Variants in SON observed in about 807,000 individuals in gnomAD.
SON encodes protein SON.
In SON, 4 loss-of-function variants were observed where a neutral mutation model predicts 173.3. The observed-to-expected ratio is 0.02, with a 90% confidence interval of 0.01 to 0.05. SON has a LOEUF of 0.05. Ranked by LOEUF, SON falls within the 10% of genes least tolerant of loss-of-function variation. The pLI, the probability that SON is intolerant of heterozygous loss-of-function variation, is 1.00. For synonymous variants in SON, 1,190 were observed against 1,105.9 expected (o/e 1.08, Z -1.51); for missense variants, 2,626 against 3,055.3 (o/e 0.86, Z 3.31).
intron 1 of SON, 192 bp downstream of exon 1, chr21:33,543,361 A>G (rs1601246722): frequency 1.7e-6 from 1 of 589,116 alleles, no homozygotes; most frequent in East Asian, 2.9e-5. Flanking sequence ...TCCCTCGAGG[A>G]ACTTCGCCTT....
At position 33,555,178 on chromosome 21, in the gene SON, C is replaced by T. The variant is rs2085939009; in HGVS notation, c.5947C>T (p.Arg1983Cys). 3 of 1,551,166 alleles carry T rather than the reference C, an allele frequency of 1.9e-6. No homozygotes were observed. The highest frequency in any genetic ancestry group is 2.6e-5 in the East Asian group (1 of 38,612). ...CAGCCGCCGCAGCCGCACCCCCAGC[C>T]GCCGGAGCCGCACCCCTAGCCGTCG... ...TPSRRSRTPS[R>C]RSRTPSRRSR... Residue 1983 changes from arginine (R) to cysteine (C), a missense_variant, in exon 3 of 12, where the codon CGC (arginine) becomes TGC (cysteine). Physicochemically the swap from Arg to Cys is radical, Grantham distance 180. Around this residue, in one of 13 missense-constraint regions of SON, gnomAD observed 138 missense variants for 222.9 expected, o/e 0.62. Transcript: ENST00000356577.
intron 8 of SON, chr21:33,570,156 G>A (rs2086253029): frequency 1.3e-5 from 2 of 152,280 alleles, no homozygotes; most frequent in Non-Finnish European, 2.9e-5. Context: ...GATTGGGAAG[G>A]TTTCTTTATC....
chr21:33,543,472 G>C (rs1823328659), intron 1 of SON: 2 of 418,814 alleles, frequency 4.8e-6, no homozygotes, highest in Non-Finnish European at 8.8e-6. Context: ...TCGTAGGCCC[G>C]GTTGTCCGCC....
Position 33,575,100 on chromosome 21 carries a change from G to A in SON, c.7034-496G>A, listed in dbSNP as rs1407971331. Reference sequence around the variant, plus strand: ...TCGTTGCCCAGGCTGTCAGTGGCACGATCTTTACTCACTGCAACCTTCGCT... The same window carrying A: ...TCGTTGCCCAGGCTGTCAGTGGCACAATCTTTACTCACTGCAACCTTCGCT... On this transcript the variant is annotated intron_variant, in intron 9 of 11. Transcript: ENST00000356577. Among the ~76,000 whole-genome samples the A allele has an allele frequency of 2.6e-5, 4 of 151,890 alleles. No homozygotes were observed. In the South Asian group the frequency reaches 6.2e-4, roughly 24 times the overall value.
chr21:33,549,937 C>A lies in SON; in HGVS notation c.706C>A (p.Pro236Thr). Reference sequence around the variant, plus strand: ...GCAGTCTGTGGCAGTAATGCCAGAACCATCCATGACAAAGATTCTGGATTC... The same window carrying A: ...GCAGTCTGTGGCAGTAATGCCAGAAACATCCATGACAAAGATTCTGGATTC... Reference protein sequence around the residue: ...SEQSVAVMPEPSMTKILDSFA... With the variant: ...SEQSVAVMPETSMTKILDSFA... The change falls in exon 3 of 12, where the codon CCA becomes ACA. Residue 236 changes from proline to threonine, a missense_variant. Pro to Thr is a conservative substitution (Grantham distance 38, BLOSUM62 -1). Transcript: ENST00000356577. 6.2e-7 allele frequency: 1 copy of A among 1,614,190 alleles called. No homozygotes were observed. The highest frequency in any genetic ancestry group is 1.1e-5 in the South Asian group (1 of 91,088).
At chr21:33,546,155 T>C (rs1034847986) in intron 1 of SON, 58 bp from the exon 2 acceptor site, 4 of 1,441,000 alleles carry the variant, frequency 2.8e-6, no homozygotes, top group Non-Finnish European at 9.5e-7. Flanking sequence ...ATTAATTGGA[T>C]TTTTTTATTA....
At position 33,550,358 on chromosome 21, in the gene SON, C is replaced by T. The variant is rs199778047; in HGVS notation, c.1127C>T (p.Ser376Leu). The change falls in exon 3 of 12, where the codon TCG becomes TTG. Residue 376 changes from serine to leucine, a missense_variant. Physicochemically the swap from Ser to Leu is moderately radical, Grantham distance 145. Coordinates refer to ENST00000356577, the MANE Select transcript of SON (RefSeq NM_138927.4). ...ACAGCGTTGGAGCTGCAGGAGTCGT[C>T]GGTGGCCTCAGCGATGGAGTTGCCG... ...KTTALELQES[S>L]VASAMELPGP... The T allele has an allele frequency of 9.5e-5, 154 of 1,614,126 alleles. 1 individual carries two copies. In the Middle Eastern group the frequency reaches 9.9e-4, roughly 10 times the overall value.
intron 8 of SON, chr21:33,569,317 T>A (rs1256776093): frequency 2.2e-6 from 1 of 458,006 alleles, no homozygotes; most frequent in Non-Finnish European, 4.0e-6. Context: ...TTTTAAAAAT[T>A]GTTACTGCTG....
In SON at chr21:33,549,906, G is replaced by A. The variant is rs1211379064; in HGVS notation, c.675G>A (p.Gln225=). Residue 225 remains glutamine, a synonymous_variant, in exon 3 of 12, where the codon CAG becomes CAA. Transcript: ENST00000356577. ...TATCTACATCAGTAATCTCAGAGCA[G>A]TCAGAGCAGTCTGTGGCAGTAATGC... is the stretch of plus-strand genomic sequence containing the variant. ...SVVSTSVISE[Q]SEQSVAVMPE... 6 of 1,614,108 alleles carry A rather than the reference G, an allele frequency of 3.7e-6. No individual in the cohort carries two copies. The East Asian group carries it at 1.3e-4, about 36-fold the overall frequency.
chr21:33,552,049 G>A lies in SON; in HGVS notation c.2818G>A (p.Asp940Asn). The A allele has an allele frequency of 6.2e-7, 1 of 1,614,056 alleles. No homozygotes were observed. Among genetic ancestry groups the A allele is most frequent in the East Asian group, 2.2e-5 (1 of 44,878 alleles). ...CCATGACCCCTATAGATTAGGTCAT[G>A]ATGCTTACAGGTTAGGACAAGACCC... ...LGHDPYRLGH[D>N]AYRLGQDPYR... The change falls in exon 3 of 12, where the codon GAT (aspartate) becomes AAT (asparagine). Residue 940 changes from aspartate to asparagine, a missense_variant. Asp to Asn is a conservative substitution (Grantham distance 23). This residue lies in a region of SON where 366 missense variants were observed against 448.6 expected (regional missense o/e 0.82). Coordinates refer to ENST00000356577, the MANE Select transcript of SON (RefSeq NM_138927.4). This position sits in a 1 kb window ranked among gnomAD's most constrained non-coding sequence, Gnocchi z 5.6.
rs758769871 is a variant in SON at position 33,549,587 on chromosome 21, A to G, written c.356A>G (p.Lys119Arg). The change falls in exon 3 of 12, where the codon AAG becomes AGG. Residue 119 changes from lysine (K) to arginine (R), a missense_variant. Physicochemically the swap from Lys to Arg is conservative, Grantham distance 26. Coordinates refer to ENST00000356577, the MANE Select transcript of SON (RefSeq NM_138927.4). The part of the protein sequence containing the change: ...KKHKKHKNKK[K>R]KKKKEKEKKY... ...CATAAAAAGCACAAAAACAAAAAGA[A>G]GAAAAAGAAGAAAGAAAAGGAAAAA... The G allele has an allele frequency of 6.3e-7, 1 of 1,588,838 alleles. No individual in the cohort carries two copies. Among genetic ancestry groups the G allele is most frequent in the South Asian group, 1.2e-5 (1 of 84,718 alleles).
rs548352934 is a variant in SON, at chr21:33,576,895, T to C, written c.*471T>C. On this transcript the variant is annotated 3_prime_UTR_variant, in exon 12 of 12. Coordinates refer to ENST00000356577, the MANE Select transcript of SON (RefSeq NM_138927.4). ...ATTTTGTACTATGATGTAACTCCCC[T>C]TCCTTATGGCTAGGCTACTGTAACA... The C allele has an allele frequency of 2.7e-5, 7 of 263,700 alleles. No individual in the cohort carries two copies. In the South Asian group the frequency reaches 3.0e-4, roughly 11 times the overall value. 16.3% of individuals were successfully genotyped at this position (263,700 alleles called of 1,614,324 possible).
intron 2 of SON, among the ~76,000 whole-genome samples, chr21:33,549,214 A>G (rs1343234352): frequency 6.6e-6 from 1 of 151,280 alleles, no homozygotes; most frequent in African/African-American, 2.4e-5. Context: ...AGCTGGGACT[A>G]CAGGTGCGCG....
chr21:33,547,890 AT>A (rs55756921), intron 2 of SON, among the ~76,000 whole-genome samples: 24,668 of 147,116 alleles, frequency 0.17, 2,141 homozygotes, highest in East Asian at 0.25. Flanking sequence ...AATTTTTTGT[AT>A]TTTTTTTTTT....
chr21:33,573,229 T>C (rs1041816392), intron 8 of SON, 79 bp from the exon 9 acceptor site: 2 of 1,232,552 alleles, frequency 1.6e-6, no homozygotes, highest in Admixed American at 2.2e-5. Context: ...AGATTCCTCT[T>C]TTTAGAAAGT....
At position 33,575,652 on chromosome 21, in the gene SON, A is replaced by G. The variant is rs765377794; in HGVS notation, c.7090A>G (p.Met2364Val). ...QKRSGNFSAA[M>V]KDLSGKHPVS... ...GAGGTCTGGGAACTTCTCTGCTGCA[A>G]TGAAAGATCTGTCAGGTGAGAGCAC... The change falls in exon 10 of 12, where the codon ATG (methionine) becomes GTG (valine). Residue 2364 changes from methionine (M) to valine (V), a missense_variant. Coordinates refer to ENST00000356577, the MANE Select transcript of SON (RefSeq NM_138927.4). 9.9e-6 allele frequency: 16 copies of G among 1,613,238 alleles called. No individual in the cohort carries two copies. The highest frequency in any genetic ancestry group is 1.3e-5 in the African/African-American group (1 of 74,872).
chr21:33,567,011 C>A (rs2086186871), intron 6 of SON, 146 bp from the exon 7 acceptor site: 1 of 503,616 alleles, frequency 2.0e-6, no homozygotes, highest in Non-Finnish European at 3.6e-6. Flanking sequence ...CTTTCTCTTT[C>A]TGAGTCTTCT....
Position 33,569,226 on chromosome 21 carries a change from C to T in SON, c.6885+139C>T, listed in dbSNP as rs8129260. Reference sequence around the variant, plus strand: ...TTTGCTATGTGTATATGCTCCAGGGCGGACACTGAAGACGGACTGGATTCA... The same window carrying T: ...TTTGCTATGTGTATATGCTCCAGGGTGGACACTGAAGACGGACTGGATTCA... On this transcript the variant is annotated intron_variant, in intron 8 of 11. Coordinates refer to ENST00000356577, the MANE Select transcript of SON (RefSeq NM_138927.4). The T allele has an allele frequency of 1.6e-3, 924 of 573,266 alleles. 10 individuals carry two copies. Among genetic ancestry groups the T allele is most frequent in the African/African-American group, 0.014 (711 of 51,928 alleles). The allele number at this position is 573,266 out of a possible 1,614,324, so 35.5% of individuals were successfully genotyped here.
At chr21:33,561,192 T>A (rs923849504) in intron 6 of SON, among the ~76,000 whole-genome samples, 1 of 152,196 alleles carries the variant, frequency 6.6e-6, no homozygotes, top group Non-Finnish European at 1.5e-5. Context: ...AAGCAAGTTA[T>A]GCCATCACCA....
Sources: gnomAD v4.1 joint callset for allele counts (sites outside exome capture counted in the v4.1 genomes callset) on GRCh38, gnomAD v4.1.1 for gene constraint, gnomAD v4.1.1 regional missense constraint, Gnocchi (gnomAD v3.1) non-coding constraint, MANE v1.5 for transcripts, NCBI Gene and HGNC (gene_info 2026-07-23, HGNC 2026-07-21) for gene names.